The following HSP90AA1 variants were observed in gnomAD, a reference collection of about 807,000 sequenced individuals.
The protein encoded by HSP90AA1 is heat shock protein 90 alpha family class A member 1.
In HSP90AA1, 18 loss-of-function variants were observed where a neutral mutation model predicts 73.3. That is an observed-to-expected ratio of 0.25 (90% CI 0.17 to 0.36). The LOEUF (loss-of-function observed/expected upper bound fraction) is 0.36, where lower values mean the gene tolerates loss of function less well. Among genes scored for constraint, HSP90AA1 ranks in the 10% least tolerant of loss-of-function variants. The pLI, the probability that HSP90AA1 is intolerant of heterozygous loss-of-function variation, is 1.00. For missense variants in HSP90AA1, 704 were observed against 874.2 expected (o/e 0.81, Z 2.45); for synonymous variants, 477 against 296.9 (o/e 1.61, Z -6.24).
chr14:102,109,235 T>C (rs1312562074), intron 1 of HSP90AA1, among the ~76,000 whole-genome samples: 1 of 152,226 alleles, frequency 6.6e-6, no homozygotes, highest in Admixed American at 6.5e-5. Flanking sequence ...TGTCTGGCTA[T>C]GTCCACTCAG....
chr14:102,123,470 G>C (rs2049803472), intron 1 of HSP90AA1, among the ~76,000 whole-genome samples: 1 of 151,610 alleles, frequency 6.6e-6, no homozygotes. Context: ...TAAGAATGAG[G>C]TGTTTTAATT....
chr14:102,085,249 C>G, intron 4 of HSP90AA1, 49 bp downstream of exon 4: 1 of 1,583,522 alleles, frequency 6.3e-7, no homozygotes, highest in African/African-American at 1.3e-5. Flanking sequence ...TACAGTCACC[C>G]CAATCACCTA....
At chr14:102,132,365 CA>C (rs1160876361) in intron 1 of HSP90AA1, among the ~76,000 whole-genome samples, 2 of 151,098 alleles carry the variant, frequency 1.3e-5, no homozygotes, top group Admixed American at 6.6e-5. Context: ...GACTCAGTCT[CA>C]AAAAAAATAA....
intron 1 of HSP90AA1, among the ~76,000 whole-genome samples, chr14:102,128,701 C>G (rs1397343922): frequency 2.0e-5 from 3 of 150,946 alleles, no homozygotes; most frequent in Non-Finnish European, 4.4e-5. Flanking sequence ...ACTCAGGAAG[C>G]TGAGACAGTG....
Position 102,084,669 on chromosome 14 carries a change from T to C in HSP90AA1, c.981+12A>G, listed in dbSNP as rs2152611463. ...TCTAAGGACAAGCTTGAAGCACCCA[T>C]CAGTCACTCACCTTCACTGCCAAGT... is the stretch of plus-strand genomic sequence containing the variant. On this transcript the variant is annotated intron_variant, in intron 5 of 10. Transcript: ENST00000216281. 1 of 1,613,886 alleles carries C rather than the reference T, an allele frequency of 6.2e-7. No homozygotes were observed. The highest frequency in any genetic ancestry group is 1.3e-5 in the African/African-American group (1 of 75,016).
At chr14:102,112,703 G>A (rs2403027) in intron 1 of HSP90AA1, among the ~76,000 whole-genome samples, 139,254 of 151,784 alleles carry the variant, frequency 0.92, 63,942 homozygotes, top group East Asian at 1. Flanking sequence ...CTGGTCTTGA[G>A]CTCTTGGCCT....
At chr14:102,084,051 A>C (rs2049161146) in intron 6 of HSP90AA1, 68 bp from the exon 7 acceptor site, 4 of 1,165,072 alleles carry the variant, frequency 3.4e-6, no homozygotes, top group Non-Finnish European at 5.1e-6. Flanking sequence ...GTAAACTCCC[A>C]AAATCAAAGA....
Position 102,136,896 on chromosome 14 carries a change from A to G in HSP90AA1, c.155+2354T>C, listed in dbSNP as rs377630487. On this transcript the variant is annotated intron_variant, in intron 1 of 11. Coordinates refer to the HSP90AA1 transcript ENST00000334701. ...AGAGCGAGACTTCTCTTAAAAAAAA[A>G]AAAGGAAACAAAAAAAAAAGAAATA... 1.0e-3 allele frequency among the ~76,000 whole-genome samples: 151 copies of G among 148,126 alleles called. 3 individuals carry two copies. The East Asian group carries it at 0.026, about 26-fold the overall frequency.
upstream of HSP90AA1, among the ~76,000 whole-genome samples, chr14:102,089,343 C>T (rs1314267478): frequency 1.3e-5 from 2 of 152,216 alleles, no homozygotes; most frequent in Non-Finnish European, 2.9e-5. Flanking sequence ...TCCCGTCAGG[C>T]CCCATCTTTA....
At chr14:102,130,767 T>C (rs1344835284) in intron 1 of HSP90AA1, among the ~76,000 whole-genome samples, 1 of 152,196 alleles carries the variant, frequency 6.6e-6, no homozygotes, top group African/African-American at 2.4e-5. Flanking sequence ...TCTCCCTCTG[T>C]TGCCCAGGCT....
chr14:102,126,172 T>G (rs145134282), intron 1 of HSP90AA1, among the ~76,000 whole-genome samples: 17 of 152,096 alleles, frequency 1.1e-4, no homozygotes, highest in Non-Finnish European at 1.5e-5. Context: ...TGGAGTGAAG[T>G]CTTCTGGGAT....
intron 1 of HSP90AA1, among the ~76,000 whole-genome samples, chr14:102,106,003 G>T (rs2049563117): frequency 6.6e-6 from 1 of 152,102 alleles, no homozygotes; most frequent in African/African-American, 2.4e-5. Flanking sequence ...TTGAACCCAT[G>T]AGGCTGAGGT....
At chr14:102,127,623 T>C (rs140950860) in intron 1 of HSP90AA1, among the ~76,000 whole-genome samples, 107 of 152,208 alleles carry the variant, frequency 7.0e-4, no homozygotes, top group African/African-American at 2.5e-3. Flanking sequence ...CAGTAAGCAA[T>C]AGGCAGAGGT....
At chr14:102,094,183 C>T (rs1013639897) in intron 2 of HSP90AA1, among the ~76,000 whole-genome samples, 26 of 152,216 alleles carry the variant, frequency 1.7e-4, no homozygotes, top group African/African-American at 6.3e-4. Flanking sequence ...GAATTCACCA[C>T]ATGCTGCCGC....
At chr14:102,120,611 G>A (rs932051302) in intron 1 of HSP90AA1, among the ~76,000 whole-genome samples, 1 of 151,946 alleles carries the variant, frequency 6.6e-6, no homozygotes, top group Non-Finnish European at 1.5e-5. Flanking sequence ...CAAACTCAGA[G>A]TTTAATAAAA....
At position 102,083,867 on chromosome 14, in the gene HSP90AA1, C is replaced by G. The variant is rs766978818; in HGVS notation, c.1264G>C (p.Glu422Gln). ...TCTTCCGCCAGTTCAGTAAAGAGTT[C>G]TAAGCATTTTTTGACCAAATTCTTC... The part of the protein sequence containing the change: ...IRKNLVKKCL[E>Q]LFTELAEDKE... Residue 422 changes from glutamate to glutamine, a missense_variant, in exon 7 of 11, where the codon GAA becomes CAA. Transcript: ENST00000216281. 1.2e-6 allele frequency: 2 copies of G among 1,613,868 alleles called. No homozygotes were observed. The highest frequency in any genetic ancestry group is 1.7e-6 in the Non-Finnish European group (2 of 1,179,908).
intron 2 of HSP90AA1, among the ~76,000 whole-genome samples, chr14:102,101,062 G>C: frequency 6.6e-6 from 1 of 152,170 alleles, no homozygotes; most frequent in East Asian, 1.9e-4. Context: ...TGGCTCCAGA[G>C]ATGCTTGAGG....
chr14:102,120,340 T>C (rs2049760539), intron 1 of HSP90AA1, among the ~76,000 whole-genome samples: 1 of 152,076 alleles, frequency 6.6e-6, no homozygotes, highest in East Asian at 1.9e-4. Flanking sequence ...TCCTGGGTGA[T>C]GAAGCGAGAC....
chr14:102,106,537 ATTTTTT>A (rs10562409), intron 1 of HSP90AA1, among the ~76,000 whole-genome samples: 6 of 79,812 alleles, frequency 7.5e-5, no homozygotes, highest in Non-Finnish European at 7.4e-5. Flanking sequence ...TGTTGAGCTA[ATTTTTT>A]TTTTTTTTTT....
Sources: allele counts gnomAD v4.1 joint callset (sites outside exome capture counted in the v4.1 genomes callset), GRCh38; gene constraint gnomAD v4.1.1; transcripts MANE v1.5; gene names NCBI Gene and HGNC (gene_info 2026-07-23, HGNC 2026-07-21).